Variants in HEPH observed in about 807,000 individuals in gnomAD.
HEPH encodes hephaestin.
A neutral mutation model predicts 80.8 loss-of-function variants in HEPH; 69 were observed. The ratio of observed to expected loss-of-function variants is 0.85; its 90% CI spans 0.70 to 1.04. The LOEUF (loss-of-function observed/expected upper bound fraction) is 1.04, where lower values mean the gene tolerates loss of function less well. Ranked by LOEUF, HEPH falls within the 50% of genes least tolerant of loss-of-function variation. The pLI, the probability that HEPH is intolerant of heterozygous loss-of-function variation, is 0.00. For synonymous variants in HEPH, 431 were observed against 322.8 expected (o/e 1.34, Z -3.60); for missense variants, 1,115 against 891.3 (o/e 1.25, Z -3.20).
intron 4 of HEPH, 49 bp from the exon 5 acceptor site, chrX:66,188,310 A>G (rs1158680040): frequency 2.2e-5 from 22 of 993,721 alleles, no homozygotes; most frequent in Admixed American, 3.1e-5. Flanking sequence ...TCAGCTTACT[A>G]TTGCTAAGGA....
chrX:66,187,240 G>T (rs5919020), intron 4 of HEPH, among the ~76,000 whole-genome samples: 57,557 of 109,694 alleles, frequency 0.52, 13,050 homozygotes, highest in African/African-American at 0.89. Flanking sequence ...TCCTGAATTC[G>T]TTTTCAGGTA....
At chrX:66,205,362 G>A (rs1188116611) in intron 13 of HEPH, among the ~76,000 whole-genome samples, 2 of 111,388 alleles carry the variant, frequency 1.8e-5, no homozygotes, top group African/African-American at 6.5e-5. Context: ...TTCTGTTCCT[G>A]CATTCATTTG....
At chrX:66,210,120 G>A (rs1404255481) in intron 15 of HEPH, among the ~76,000 whole-genome samples, 1 of 111,517 alleles carries the variant, frequency 9.0e-6, no homozygotes, top group Non-Finnish European at 1.9e-5. Context: ...TGAAATGTGA[G>A]CCTGAGAAAA....
At chrX:66,223,463 T>A (rs1009390206) in intron 15 of HEPH, among the ~76,000 whole-genome samples, 1 of 111,904 alleles carries the variant, frequency 8.9e-6, no homozygotes, top group Non-Finnish European at 1.9e-5. Context: ...ACTATTAATG[T>A]TAAACTTAGT....
chrX:66,195,702 A>G (rs958099550), intron 9 of HEPH, among the ~76,000 whole-genome samples: 1 of 111,212 alleles, frequency 9.0e-6, no homozygotes, highest in African/African-American at 3.3e-5. Context: ...ACTTTATCTC[A>G]AGGATTTGTC....
intron 1 of HEPH, among the ~76,000 whole-genome samples, chrX:66,166,548 T>G (rs1348749015): frequency 2.7e-5 from 3 of 111,951 alleles, no homozygotes; most frequent in African/African-American, 9.8e-5. Flanking sequence ...TTTCTGCTCT[T>G]TTAGTATATG....
At chrX:66,253,737 T>A (rs1360888930) in intron 15 of HEPH, among the ~76,000 whole-genome samples, 4 of 112,425 alleles carry the variant, frequency 3.6e-5, no homozygotes, top group South Asian at 3.7e-4. Flanking sequence ...GGTGTATCTA[T>A]TCAATGGACT....
At chrX:66,218,319 A>G (rs1189844182) in intron 15 of HEPH, among the ~76,000 whole-genome samples, 1 of 112,076 alleles carries the variant, frequency 8.9e-6, no homozygotes, top group Non-Finnish European at 1.9e-5. Context: ...AACAAATTTA[A>G]GAAAACTGAA....
chrX:66,262,052 A>C (rs768070736), intron 19 of HEPH, among the ~76,000 whole-genome samples: 4 of 112,623 alleles, frequency 3.6e-5, no homozygotes, highest in African/African-American at 1.3e-4. Context: ...GATAGCTCAT[A>C]TCTCTCTATG....
At chrX:66,216,959 T>G (rs766032330) in intron 15 of HEPH, among the ~76,000 whole-genome samples, 10 of 111,444 alleles carry the variant, frequency 9.0e-5, no homozygotes, top group African/African-American at 3.3e-4. Flanking sequence ...AGACAAGGCT[T>G]TTAAATTAAC....
At chrX:66,254,754 G>A (rs1440025562) in intron 15 of HEPH, among the ~76,000 whole-genome samples, 9 of 14,842 alleles carry the variant, frequency 6.1e-4, no homozygotes, top group East Asian at 2.3e-3. Context: ...CCCCCGCCCC[G>A]CAAAGAAAAA....
Position 66,203,142 on chromosome X carries a change from C to T in HEPH, c.2078-222C>T, listed in dbSNP as rs1348621375. On this transcript the variant is annotated intron_variant, in intron 12 of 20. Transcript: ENST00000343002. ...GCGGCAGAGTTTAGTTTTAATAAAC[C>T]CAGTGTATGTAGCTTTGGAGCCGGA... Among the ~76,000 whole-genome samples the T allele has an allele frequency of 3.6e-5, 4 of 109,765 alleles. No individual in the cohort carries two copies. The East Asian group carries it at 1.1e-3, about 31-fold the overall frequency.
intron 8 of HEPH, among the ~76,000 whole-genome samples, chrX:66,194,144 T>C (rs184002352): frequency 9.0e-6 from 1 of 111,210 alleles, no homozygotes; most frequent in Non-Finnish European, 1.9e-5. Flanking sequence ...TTAGAAGTGG[T>C]TTAGTAGCAT....
At chrX:66,248,097 C>G (rs1168278942) in intron 15 of HEPH, among the ~76,000 whole-genome samples, 1 of 110,426 alleles carries the variant, frequency 9.1e-6, no homozygotes, top group Non-Finnish European at 1.9e-5. Context: ...TTACCTAAGT[C>G]CTATGGTTAT....
rs759599391 is a variant in HEPH, at chrX:66,173,638, T to G, written c.462T>G (p.Ser154=). 1 of 1,211,141 alleles carries G rather than the reference T, an allele frequency of 8.3e-7. No individual in the cohort carries two copies. Among genetic ancestry groups the G allele is most frequent in the Non-Finnish European group, 1.1e-6 (1 of 895,134 alleles). Residue 154 remains serine (S), a synonymous_variant, in exon 4 of 21, where the codon TCT becomes TCG. Coordinates refer to ENST00000343002, the MANE Select transcript of HEPH (RefSeq NM_001367233.3). ...GSSGPLKADD[S]VPPGGSHIYN... Reference sequence around the variant, plus strand: ...CTGGGCCACTGAAAGCTGATGACTCTGTTCCCCCGGGGGGCAGCCATATCT... The same window carrying G: ...CTGGGCCACTGAAAGCTGATGACTCGGTTCCCCCGGGGGGCAGCCATATCT...
chrX:66,199,358 G>A (rs942656429), intron 11 of HEPH, among the ~76,000 whole-genome samples: 58 of 101,058 alleles, frequency 5.7e-4, no homozygotes, highest in African/African-American at 2.2e-3. Flanking sequence ...TAGTACCTTG[G>A]GTCCCCCCCC....
At chrX:66,216,593 C>G (rs184716990) in intron 15 of HEPH, among the ~76,000 whole-genome samples, 5 of 111,781 alleles carry the variant, frequency 4.5e-5, no homozygotes, top group Non-Finnish European at 9.4e-5. Context: ...CCAGATCTTC[C>G]CTCTAACATA....
At chrX:66,234,754 A>C (rs978450421) in intron 15 of HEPH, among the ~76,000 whole-genome samples, 2 of 110,908 alleles carry the variant, frequency 1.8e-5, no homozygotes, top group Non-Finnish European at 3.8e-5. Context: ...CTCATGCCTC[A>C]GCCTTGCGGG....
At chrX:66,229,572 A>G (rs1602431707) in intron 15 of HEPH, among the ~76,000 whole-genome samples, 1 of 111,611 alleles carries the variant, frequency 9.0e-6, no homozygotes, top group East Asian at 2.8e-4. Flanking sequence ...ATGTAACCAA[A>G]TACCACCTGT....
Sources: gnomAD v4.1 joint callset for allele counts (sites outside exome capture counted in the v4.1 genomes callset) on GRCh38, gnomAD v4.1.1 for gene constraint, MANE v1.5 for transcripts, NCBI Gene and HGNC (gene_info 2026-07-23, HGNC 2026-07-21) for gene names.